Variants in GABBR2 observed in about 807,000 individuals in gnomAD.
GABBR2 encodes G-protein coupled receptor 51.
In GABBR2, 23 loss-of-function variants were observed where a neutral mutation model predicts 105.6. The observed-to-expected ratio is 0.22, with a 90% CI of 0.16 to 0.31. The LOEUF is 0.31. Among genes scored for constraint, GABBR2 ranks in the 10% least tolerant of loss-of-function variants. The pLI, the probability that GABBR2 is intolerant of heterozygous loss-of-function variation, is 1.00. For missense variants in GABBR2, 734 were observed against 1,245.5 expected (o/e 0.59, Z 6.18); for synonymous variants, 478 against 499.7 (o/e 0.96, Z 0.58).
At chr9:98,425,228 G>A (rs1832854053) in intron 7 of GABBR2, among the ~76,000 whole-genome samples, 1 of 152,094 alleles carries the variant, frequency 6.6e-6, no homozygotes, top group African/African-American at 2.4e-5. Flanking sequence ...ATGGGTGAAT[G>A]AATGAATGAA....
intron 1 of GABBR2, among the ~76,000 whole-genome samples, chr9:98,585,178 C>A (rs188491449): frequency 1.3e-3 from 201 of 152,242 alleles, no homozygotes; most frequent in African/African-American, 4.6e-3. Flanking sequence ...AGAAAAGCGA[C>A]ACTAGCTAAC....
rs549088082 is a variant in GABBR2, at chr9:98,438,147, AT to A, written c.1236+15833del. Reference sequence around the variant, plus strand: ...ATCCATATTTACCTACCCACACGTTATCCCTCCATCTATATCCATCTACCTA... The same window carrying A: ...ATCCATATTTACCTACCCACACGTTACCCTCCATCTATATCCATCTACCTA... On this transcript the variant is annotated intron_variant, in intron 7 of 18. Coordinates refer to ENST00000259455, the MANE Select transcript of GABBR2 (RefSeq NM_005458.8). 3.0e-3 allele frequency among the ~76,000 whole-genome samples: 440 copies of A among 146,426 alleles called. 4 individuals carry two copies. Among genetic ancestry groups the A allele is most frequent in the African/African-American group, 0.011 (426 of 39,546 alleles).
chr9:98,357,628 T>A (rs1189877113), intron 13 of GABBR2, among the ~76,000 whole-genome samples: 2 of 151,644 alleles, frequency 1.3e-5, no homozygotes, highest in African/African-American at 4.9e-5. Context: ...GGTAACAGAG[T>A]GAGATCCTGT....
intron 2 of GABBR2, among the ~76,000 whole-genome samples, chr9:98,556,637 ACCCAGC>A (rs558621383): frequency 8.4e-4 from 128 of 152,274 alleles, no homozygotes; most frequent in Middle Eastern, 6.8e-3. Flanking sequence ...GAACACACAG[ACCCAGC>A]TCCTCTGGTC....
chr9:98,498,936 G>A (rs553520871), intron 3 of GABBR2, among the ~76,000 whole-genome samples: 9 of 152,342 alleles, frequency 5.9e-5, no homozygotes, highest in African/African-American at 7.2e-5. Context: ...AGCTCAATGC[G>A]TGAGCTCCTG....
At chr9:98,478,263 T>C (rs1206516723) in intron 5 of GABBR2, among the ~76,000 whole-genome samples, 1 of 152,180 alleles carries the variant, frequency 6.6e-6, no homozygotes, top group Non-Finnish European at 1.5e-5. Flanking sequence ...CTGACTCCAA[T>C]AGAGATCGGA....
chr9:98,576,904 T>TTGGATGGATGGA (rs71369567), intron 2 of GABBR2, among the ~76,000 whole-genome samples: 104 of 99,608 alleles, frequency 1.0e-3, no homozygotes, highest in East Asian at 2.2e-3. Flanking sequence ...AAAATATTTG[T>TTGGATGGATGGA]TGGATGGATG....
At chr9:98,639,483 G>A (rs2131835047) in intron 1 of GABBR2, among the ~76,000 whole-genome samples, 1 of 152,100 alleles carries the variant, frequency 6.6e-6, no homozygotes, top group South Asian at 2.1e-4. Context: ...CCCTGGGAGA[G>A]GAAAAACAGC....
At chr9:98,632,241 C>T (rs1829824840) in intron 1 of GABBR2, among the ~76,000 whole-genome samples, 1 of 152,156 alleles carries the variant, frequency 6.6e-6, no homozygotes, top group African/African-American at 2.4e-5. Flanking sequence ...TAGGCAAGCT[C>T]CTTAACCTCT....
At chr9:98,566,484 G>A (rs1210254210) in intron 2 of GABBR2, among the ~76,000 whole-genome samples, 2 of 152,014 alleles carry the variant, frequency 1.3e-5, no homozygotes, top group African/African-American at 4.8e-5. Flanking sequence ...GACCATCCTG[G>A]CTAACACTGT....
At position 98,707,653 on chromosome 9, in the gene GABBR2, CG is replaced by C. The variant is rs1396858683; in HGVS notation, c.321+763del. On this transcript the variant is annotated intron_variant, in intron 1 of 18. Coordinates refer to ENST00000259455, the MANE Select transcript of GABBR2 (RefSeq NM_005458.8). ...TAGGTCGGATGCTTCAAGCCTGAGCCGTGAGAAACTGCCTGCAGCCGCCCGG... is the reference window on the plus strand; with the variant it reads ...TAGGTCGGATGCTTCAAGCCTGAGCCTGAGAAACTGCCTGCAGCCGCCCGG... 2.0e-5 allele frequency among the ~76,000 whole-genome samples: 3 copies of C among 152,370 alleles called. No individual in the cohort carries two copies. In the East Asian group the frequency reaches 5.8e-4, roughly 29 times the overall value.
intron 2 of GABBR2, among the ~76,000 whole-genome samples, chr9:98,564,129 G>A (rs1184344265): frequency 6.6e-6 from 1 of 152,142 alleles, no homozygotes; most frequent in African/African-American, 2.4e-5. Context: ...ATGATTTACA[G>A]GGAGAACACA....
intron 13 of GABBR2, among the ~76,000 whole-genome samples, chr9:98,323,805 G>A (rs1027331544): frequency 6.6e-6 from 1 of 152,208 alleles, no homozygotes; most frequent in Non-Finnish European, 1.5e-5. Flanking sequence ...GCTGTTCATG[G>A]TGACTCCCTG....
In GABBR2 at chr9:98,465,906, T is replaced by C. The variant is rs557276448; in HGVS notation, c.999+7240A>G. Among the ~76,000 whole-genome samples, 16 of 152,292 alleles carry C rather than the reference T, an allele frequency of 1.1e-4. No individual in the cohort carries two copies. In the South Asian group the frequency reaches 3.3e-3, roughly 32 times the overall value. ...TCCCATGTCAAATTGCAATCCCCAGTGTTGGAGGAGGAGCGGCCTGCTGGG... is the reference window on the plus strand; with the variant it reads ...TCCCATGTCAAATTGCAATCCCCAGCGTTGGAGGAGGAGCGGCCTGCTGGG... On this transcript the variant is annotated intron_variant, in intron 6 of 18. Transcript: ENST00000259455.
intron 9 of GABBR2, among the ~76,000 whole-genome samples, chr9:98,392,433 G>C (rs1199644427): frequency 6.6e-6 from 1 of 152,192 alleles, no homozygotes; most frequent in Admixed American, 6.5e-5. Context: ...GTGAATCTGG[G>C]GTGTCACCCT....
intron 1 of GABBR2, among the ~76,000 whole-genome samples, chr9:98,580,413 C>T (rs1828984609): frequency 6.6e-6 from 1 of 152,214 alleles, no homozygotes; most frequent in South Asian, 2.1e-4. Flanking sequence ...AGAATGAAAG[C>T]CCCAGGTGGG....
chr9:98,475,304 G>A (rs1356117323), intron 5 of GABBR2, among the ~76,000 whole-genome samples: 5 of 151,600 alleles, frequency 3.3e-5, no homozygotes, highest in Non-Finnish European at 5.9e-5. Flanking sequence ...GGCAGTCTCC[G>A]GGGCTTCTCT....
At position 98,385,781 on chromosome 9, in the gene GABBR2, A is replaced by G. The variant is rs2131489755; in HGVS notation, c.1530-9T>C. ...TCGACATCTTTATGAGCCTGACAAG[A>G]GAAAGAGACAATAGATTTAACAGAA... On this transcript the variant is annotated splice_polypyrimidine_tract_variant and intron_variant, in intron 10 of 18. Transcript: ENST00000259455. 1 of 1,605,094 alleles carries G rather than the reference A, an allele frequency of 6.2e-7. No homozygotes were observed. Among genetic ancestry groups the G allele is most frequent in the African/African-American group, 1.3e-5 (1 of 74,796 alleles).
chr9:98,512,278 A>G (rs918826143), intron 3 of GABBR2, among the ~76,000 whole-genome samples: 8 of 141,222 alleles, frequency 5.7e-5, no homozygotes, highest in Admixed American at 5.6e-4. Context: ...AGAGCTATCT[A>G]TGACAAACCC....
Sources: allele counts gnomAD v4.1 joint callset (sites outside exome capture counted in the v4.1 genomes callset), GRCh38; gene constraint gnomAD v4.1.1; transcripts MANE v1.5; gene names NCBI Gene and HGNC (gene_info 2026-07-23, HGNC 2026-07-21).